MAP4K3: variants seen among roughly 807,000 people sequenced by gnomAD.
The protein encoded by MAP4K3 is mitogen-activated protein kinase kinase kinase kinase 3, also known as MAPK/ERK kinase kinase kinase 3.
In MAP4K3, 94 loss-of-function variants were observed where a neutral mutation model predicts 143.5. The ratio of observed to expected loss-of-function variants is 0.65; its 90% CI spans 0.55 to 0.78. The LOEUF (loss-of-function observed/expected upper bound fraction) is 0.78. Ranked by LOEUF, MAP4K3 falls within the 30% of genes least tolerant of loss-of-function variation. MAP4K3 has a pLI of 0.00. For synonymous variants in MAP4K3, 416 were observed against 347.2 expected, an observed-to-expected ratio of 1.20 and a Z score of -2.20; for missense variants, 1,077 against 1,068.1, an observed-to-expected ratio of 1.01 and a Z score of -0.12.
At chr2:39,331,056 A>C (rs1558650534) in intron 8 of MAP4K3, among the ~76,000 whole-genome samples, 2 of 152,152 alleles carry the variant, frequency 1.3e-5, no homozygotes, top group African/African-American at 2.4e-5. Flanking sequence ...TATTGATGAA[A>C]AGATAGGCTG....
In MAP4K3 at chr2:39,325,645, C is replaced by T. The variant is rs199595861; in HGVS notation, c.808-17G>A. 1 of 1,586,462 alleles carries T rather than the reference C, an allele frequency of 6.3e-7. No individual in the cohort carries two copies. Among genetic ancestry groups the T allele is most frequent in the African/African-American group, 1.3e-5 (1 of 74,422 alleles). ...AAAAGGATGCTATAAAAATTAAATA[C>T]AATGCAGAACACTTACTATAAATCT... On this transcript the variant is annotated splice_polypyrimidine_tract_variant and intron_variant, in intron 11 of 33. Transcript: ENST00000263881.
chr2:39,319,255 C>T lies in MAP4K3; in HGVS notation c.919-3867G>A, dbSNP rs1314256217. 4.6e-5 allele frequency among the ~76,000 whole-genome samples: 7 copies of T among 150,850 alleles called. No homozygotes were observed. In the East Asian group the frequency reaches 1.4e-3, roughly 29 times the overall value. ...TTTTTTTTTTTTTAAACCACAACTA[C>T]AAAGAACCTCCTTACCCCAATTTTC... On this transcript the variant is annotated intron_variant, in intron 12 of 33. Transcript: ENST00000263881.
intron 13 of MAP4K3, among the ~76,000 whole-genome samples, chr2:39,310,984 A>G (rs1682919456): frequency 6.6e-6 from 1 of 152,200 alleles, no homozygotes; most frequent in African/African-American, 2.4e-5. Context: ...TTTCCACAGT[A>G]AGAAAAGAAG....
At chr2:39,400,555 C>A (rs1666928097) in intron 1 of MAP4K3, among the ~76,000 whole-genome samples, 2 of 151,750 alleles carry the variant, frequency 1.3e-5, no homozygotes, top group African/African-American at 4.8e-5. Flanking sequence ...CCTGTTCCTC[C>A]TTATTATTTA....
chr2:39,385,655 G>A (rs1156434983), intron 1 of MAP4K3, among the ~76,000 whole-genome samples: 1 of 137,294 alleles, frequency 7.3e-6, no homozygotes, highest in Non-Finnish European at 1.5e-5. Context: ...TTGAGACGAA[G>A]TTTCACTCTT....
At chr2:39,380,218 T>C (rs1666323782) in intron 1 of MAP4K3, among the ~76,000 whole-genome samples, 1 of 152,110 alleles carries the variant, frequency 6.6e-6, no homozygotes, top group African/African-American at 2.4e-5. Context: ...ATTAAGATAT[T>C]TCACAAAAAG....
Position 39,250,508 on chromosome 2 carries a change from A to G in MAP4K3, c.*110T>C. 9.9e-7 allele frequency: 1 copy of G among 1,005,116 alleles called. No homozygotes were observed. The highest frequency in any genetic ancestry group is 1.4e-6 in the Non-Finnish European group (1 of 692,368). The allele number at this position is 1,005,116 out of a possible 1,614,324, so 62.3% of individuals were successfully genotyped here. A position where few individuals can be genotyped will look rare whatever the true frequency, so the allele number is the denominator to read the frequency against. ...TTATCTCATGCCACAATAAATTACAAAGTAACTGAAGACAGGTTACTGCAG... is the reference window on the plus strand; with the variant it reads ...TTATCTCATGCCACAATAAATTACAGAGTAACTGAAGACAGGTTACTGCAG... On this transcript the variant is annotated 3_prime_UTR_variant, in exon 34 of 34. Transcript: ENST00000263881.
intron 31 of MAP4K3, among the ~76,000 whole-genome samples, chr2:39,255,431 C>G (rs1050254683): frequency 6.6e-6 from 1 of 152,100 alleles, no homozygotes; most frequent in African/African-American, 2.4e-5. Context: ...TGCAGGTAAG[C>G]AATTGTACCA....
At chr2:39,289,074 C>G (rs1681919958) in intron 19 of MAP4K3, among the ~76,000 whole-genome samples, 1 of 151,840 alleles carries the variant, frequency 6.6e-6, no homozygotes, top group Non-Finnish European at 1.5e-5. Context: ...AACAAAAAAA[C>G]AAAAAACGTT....
intron 16 of MAP4K3, among the ~76,000 whole-genome samples, chr2:39,296,974 TCTG>T (rs1682307256): frequency 6.6e-6 from 1 of 152,252 alleles, no homozygotes; most frequent in African/African-American, 2.4e-5. Context: ...GGAAAAGCCA[TCTG>T]GCATTTACTA....
At chr2:39,307,896 T>A in intron 15 of MAP4K3, 47 bp downstream of exon 15, 1 of 1,390,394 alleles carries the variant, frequency 7.2e-7, no homozygotes. Flanking sequence ...AGAAAACAAT[T>A]AAGACTAAAA....
At chr2:39,314,053 C>T (rs1307773591) in intron 13 of MAP4K3, among the ~76,000 whole-genome samples, 1 of 151,100 alleles carries the variant, frequency 6.6e-6, no homozygotes, top group African/African-American at 2.4e-5. Flanking sequence ...TTTTTCCAAA[C>T]AGAATCTTGT....
intron 1 of MAP4K3, among the ~76,000 whole-genome samples, chr2:39,401,137 C>T (rs953281610): frequency 6.6e-6 from 1 of 152,038 alleles, no homozygotes; most frequent in South Asian, 2.1e-4. Flanking sequence ...GATGATGAAG[C>T]TAAGAATACA....
At chr2:39,382,963 G>A (rs1271979134) in intron 1 of MAP4K3, among the ~76,000 whole-genome samples, 3 of 152,208 alleles carry the variant, frequency 2.0e-5, no homozygotes, top group South Asian at 2.1e-4. Context: ...GGCACAGAAC[G>A]AAAAGCATGA....
chr2:39,354,155 A>C (rs1665538049), intron 3 of MAP4K3, among the ~76,000 whole-genome samples: 1 of 152,100 alleles, frequency 6.6e-6, no homozygotes, highest in South Asian at 2.1e-4. Context: ...CTAAAAATAC[A>C]AAAAAAGGCC....
intron 23 of MAP4K3, among the ~76,000 whole-genome samples, chr2:39,279,537 T>C (rs933185813): frequency 1.3e-5 from 2 of 152,184 alleles, no homozygotes; most frequent in Admixed American, 6.5e-5. Context: ...AGACAGTTCT[T>C]AGTGGTTGCC....
At chr2:39,325,312 T>C (rs560646084) in intron 12 of MAP4K3, among the ~76,000 whole-genome samples, 12 of 152,290 alleles carry the variant, frequency 7.9e-5, no homozygotes, top group African/African-American at 2.9e-4. Context: ...CACACTATAG[T>C]CACCTATAAG....
At chr2:39,417,776 G>C (rs1032154927) in intron 1 of MAP4K3, among the ~76,000 whole-genome samples, 2 of 152,298 alleles carry the variant, frequency 1.3e-5, no homozygotes, top group East Asian at 3.9e-4. Context: ...TCAGAGCCCA[G>C]ATCTTGGTAT....
In MAP4K3 at chr2:39,265,263, A is replaced by C; in HGVS notation, c.2076T>G (p.Leu692=). 3.7e-6 allele frequency: 6 copies of C among 1,613,662 alleles called. No individual in the cohort carries two copies. The highest frequency in any genetic ancestry group is 5.1e-6 in the Non-Finnish European group (6 of 1,179,632). The change falls in exon 28 of 34, where the codon CTT becomes CTG. Residue 692 remains leucine, a synonymous_variant. Transcript: ENST00000263881. The stretch of plus-strand genomic sequence containing the variant: ...ATTCTAATAGAACAATGCTAGTCTG[A>C]AGTGCTCCACATAGGTATTTATGGC... The part of the protein sequence containing the change: ...YTGHKYLCGA[L]QTSIVLLEWV...
Sources: allele counts gnomAD v4.1 joint callset (sites outside exome capture counted in the v4.1 genomes callset), GRCh38; gene constraint gnomAD v4.1.1; transcripts MANE v1.5; gene names NCBI Gene and HGNC (gene_info 2026-07-23, HGNC 2026-07-21).